AGMO: variants seen among roughly 807,000 people sequenced by gnomAD.
The protein encoded by AGMO is glyceryl-ether monooxygenase.
AGMO carries 75 observed loss-of-function variants against 60.2 expected under a neutral mutation model. The ratio of observed to expected loss-of-function variants is 1.25; its 90% CI spans 1.03 to 1.51. The LOEUF (loss-of-function observed/expected upper bound fraction) is 1.51. AGMO is among the 40% of genes most tolerant of loss of function. AGMO has a pLI of 0.00. For missense variants in AGMO, 763 were observed against 525.5 expected, an observed-to-expected ratio of 1.45 and a Z score of -4.42; for synonymous variants, 261 against 177.1, an observed-to-expected ratio of 1.47 and a Z score of -3.76.
Position 15,460,155 on chromosome 7 carries a change from G to A in AGMO, c.410-29047C>T, listed in dbSNP as rs1013245490. On this transcript the variant is annotated intron_variant, in intron 3 of 12. Transcript: ENST00000342526. ...GGTGTCTTGCTCTGTCCCCCAGGCCGGAGTGCAGTGGCGTGATCTCTGCTC... is the reference window on the plus strand; with the variant it reads ...GGTGTCTTGCTCTGTCCCCCAGGCCAGAGTGCAGTGGCGTGATCTCTGCTC... 8.5e-5 allele frequency among the ~76,000 whole-genome samples: 12 copies of A among 140,800 alleles called. No homozygotes were observed. The East Asian group carries it at 1.6e-3, about 19-fold the overall frequency. 92.4% of individuals were successfully genotyped at this position (140,800 alleles called of 152,430 possible).
At chr7:15,483,677 G>GA (rs1277519640) in intron 3 of AGMO, among the ~76,000 whole-genome samples, 2 of 152,034 alleles carry the variant, frequency 1.3e-5, no homozygotes, top group African/African-American at 2.4e-5. Context: ...AGGAATTATT[G>GA]AAAAAATATT....
chr7:15,177,712 C>A, the AGMO span, among the ~76,000 whole-genome samples: 1 of 152,014 alleles, frequency 6.6e-6, no homozygotes, highest in East Asian at 1.9e-4. Flanking sequence ...ATTCTCTTTA[C>A]TTTTTTAATC....
In AGMO at chr7:15,521,205, T is replaced by G. The variant is rs1347999360; in HGVS notation, c.409+23567A>C. 3.9e-5 allele frequency among the ~76,000 whole-genome samples: 6 copies of G among 152,140 alleles called. 1 individual carries two copies. The highest frequency in any genetic ancestry group is 4.1e-4 in the South Asian group (2 of 4,826). On this transcript the variant is annotated intron_variant, in intron 3 of 12. Transcript: ENST00000342526. Reference sequence around the variant, plus strand: ...GTTCTGAAATTGAGGCAGTAATTAATAGCCTACCAACCGCAAAAAGGCACA... The same window carrying G: ...GTTCTGAAATTGAGGCAGTAATTAAGAGCCTACCAACCGCAAAAAGGCACA...
the AGMO span, among the ~76,000 whole-genome samples, chr7:15,149,603 G>T: frequency 4.3e-4 from 66 of 152,120 alleles, no homozygotes; most frequent in African/African-American, 1.5e-3. Context: ...TGTCCATTTT[G>T]TCAAAGATCA....
In AGMO at chr7:15,201,119, A is replaced by T; in HGVS notation, c.*166T>A. The T allele has an allele frequency of 2.2e-6, 1 of 455,624 alleles. No individual in the cohort carries two copies. 28.2% of individuals were successfully genotyped at this position (455,624 alleles called of 1,614,324 possible). ...ACCAAAACTGACTTTAATTTTTAAT[A>T]GAAAATAACAAATGTGAAAGGCAAA... is the stretch of plus-strand genomic sequence containing the variant. On this transcript the variant is annotated 3_prime_UTR_variant, in exon 13 of 13. Coordinates refer to ENST00000342526, the MANE Select transcript of AGMO (RefSeq NM_001004320.2).
chr7:15,143,213 A>T, the AGMO span, among the ~76,000 whole-genome samples: 2 of 152,240 alleles, frequency 1.3e-5, no homozygotes, highest in Non-Finnish European at 2.9e-5. Flanking sequence ...CGTGAAATTG[A>T]TGAGTGGAAA....
chr7:15,145,539 T>G, the AGMO span, among the ~76,000 whole-genome samples: 7 of 152,150 alleles, frequency 4.6e-5, no homozygotes, highest in Non-Finnish European at 7.4e-5. Flanking sequence ...TAATGATGAC[T>G]ATCTCAAGAT....
intron 10 of AGMO, among the ~76,000 whole-genome samples, chr7:15,378,157 G>A (rs1333147280): frequency 1.3e-5 from 2 of 151,936 alleles, no homozygotes; most frequent in African/African-American, 4.8e-5. Context: ...ATTGTTTTCT[G>A]CTACAGTAAT....
chr7:15,539,287 C>T (rs1392305738), intron 3 of AGMO, among the ~76,000 whole-genome samples: 1 of 152,012 alleles, frequency 6.6e-6, no homozygotes, highest in African/African-American at 2.4e-5. Flanking sequence ...GTGATTTTCT[C>T]CTTTCTCCCA....
chr7:15,262,444 A>G (rs1783300800), intron 12 of AGMO, among the ~76,000 whole-genome samples: 1 of 152,028 alleles, frequency 6.6e-6, no homozygotes, highest in African/African-American at 2.4e-5. Flanking sequence ...CTTCTACAAG[A>G]AAAACTACAA....
chr7:15,170,472 A>C, the AGMO span, among the ~76,000 whole-genome samples: 9 of 152,208 alleles, frequency 5.9e-5, no homozygotes, highest in Admixed American at 3.3e-4. Flanking sequence ...GCATATTACA[A>C]TGTCATTCTA....
At chr7:15,133,411 T>C in the AGMO span, among the ~76,000 whole-genome samples, 2 of 152,070 alleles carry the variant, frequency 1.3e-5, no homozygotes, top group Non-Finnish European at 2.9e-5. Context: ...TGGTTTCAGT[T>C]GAGTAGTTAT....
intron 12 of AGMO, among the ~76,000 whole-genome samples, chr7:15,265,231 T>C (rs1236461045): frequency 6.6e-6 from 1 of 151,926 alleles, no homozygotes; most frequent in East Asian, 1.9e-4. Flanking sequence ...GAGCTAAACA[T>C]TGAATACACA....
the AGMO span, among the ~76,000 whole-genome samples, chr7:15,141,166 A>G: frequency 6.6e-6 from 1 of 152,158 alleles, no homozygotes; most frequent in African/African-American, 2.4e-5. Context: ...GGAGAGCCCA[A>G]CGCCTTGGGA....
At chr7:15,493,044 C>T (rs1315718256) in intron 3 of AGMO, among the ~76,000 whole-genome samples, 1 of 152,006 alleles carries the variant, frequency 6.6e-6, no homozygotes, top group Non-Finnish European at 1.5e-5. Context: ...AGAATAGATT[C>T]CTAAGAGTGG....
the AGMO span, among the ~76,000 whole-genome samples, chr7:15,166,602 T>G: frequency 6.6e-6 from 1 of 152,080 alleles, no homozygotes; most frequent in African/African-American, 2.4e-5. Flanking sequence ...AGGTGCTATA[T>G]TAAGAAGATT....
At chr7:15,196,403 T>A (rs930399956), downstream of AGMO, among the ~76,000 whole-genome samples, 1 of 152,172 alleles carries the variant, frequency 6.6e-6, no homozygotes, top group East Asian at 1.9e-4. Context: ...ACAGAAAACT[T>A]TGGTGGCATG....
chr7:15,284,160 T>TAC (rs1366897625), intron 12 of AGMO, among the ~76,000 whole-genome samples: 2 of 152,026 alleles, frequency 1.3e-5, no homozygotes, highest in East Asian at 3.9e-4. Flanking sequence ...TCTAATATCA[T>TAC]ACCTCAGGCA....
At chr7:15,348,055 C>T (rs1472812739) in intron 12 of AGMO, among the ~76,000 whole-genome samples, 5 of 152,016 alleles carry the variant, frequency 3.3e-5, no homozygotes, top group African/African-American at 1.2e-4. Context: ...TTTTGATCTT[C>T]CAGGGTAACT....
Sources: gnomAD v4.1 joint callset for allele counts (sites outside exome capture counted in the v4.1 genomes callset) on GRCh38, gnomAD v4.1.1 for gene constraint, MANE v1.5 for transcripts, NCBI Gene and HGNC (gene_info 2026-07-23, HGNC 2026-07-21) for gene names.